Variants in SOX6 observed in about 807,000 individuals in gnomAD.
The protein encoded by SOX6 is SRY-box transcription factor 6.
Under a neutral mutation model 97.8 loss-of-function variants are expected in SOX6, and 11 were observed. The observed-to-expected ratio is 0.11, with a 90% confidence interval of 0.07 to 0.19. The LOEUF (loss-of-function observed/expected upper bound fraction) is 0.19. SOX6 is among the 10% of genes least tolerant of loss of function. The pLI is 1.00. For missense variants in SOX6, 810 were observed against 1,039.5 expected (o/e 0.78, Z 3.04); for synonymous variants, 360 against 371.4 (o/e 0.97, Z 0.35).
chr11:16,146,213 C>G (rs1850290882), intron 6 of SOX6, among the ~76,000 whole-genome samples: 1 of 152,152 alleles, frequency 6.6e-6, no homozygotes, highest in Non-Finnish European at 1.5e-5. Context: ...CTACAACTAT[C>G]TGATCTTTGA....
intron 12 of SOX6, among the ~76,000 whole-genome samples, chr11:16,036,821 C>G (rs568336614): frequency 6.6e-6 from 1 of 152,184 alleles, no homozygotes; most frequent in Admixed American, 6.6e-5. Context: ...TTCAAGTGAT[C>G]GCGTATGCTT....
chr11:16,659,777 A>G (rs1347162129), intron 3 of SOX6, among the ~76,000 whole-genome samples: 1 of 152,036 alleles, frequency 6.6e-6, no homozygotes, highest in African/African-American at 2.4e-5. Flanking sequence ...TTGTATTTGG[A>G]AAGTTATTAT....
chr11:16,693,343 C>CA (rs1242754047), intron 3 of SOX6, among the ~76,000 whole-genome samples: 1 of 152,064 alleles, frequency 6.6e-6, no homozygotes, highest in Non-Finnish European at 1.5e-5. Context: ...ATTTACCTTT[C>CA]ATTTATTTTA....
chr11:16,685,249 A>C (rs1847960635), intron 3 of SOX6, among the ~76,000 whole-genome samples: 1 of 152,238 alleles, frequency 6.6e-6, no homozygotes, highest in South Asian at 2.1e-4. Context: ...GCTTCCCATT[A>C]GTCCCCCAAA....
intron 9 of SOX6, among the ~76,000 whole-genome samples, chr11:16,059,756 G>A (rs56003030): frequency 0.038 from 5,754 of 151,948 alleles, 348 homozygotes; most frequent in African/African-American, 0.13. Context: ...TAGCACTTAG[G>A]CAAAATGAGG....
At chr11:16,265,677 A>C (rs1854063942) in intron 3 of SOX6, among the ~76,000 whole-genome samples, 1 of 151,916 alleles carries the variant, frequency 6.6e-6, no homozygotes, top group Admixed American at 6.6e-5. Context: ...GAGTTATTAA[A>C]ACTATATTTT....
chr11:16,008,940 C>T (rs1423194516), intron 13 of SOX6, among the ~76,000 whole-genome samples: 1 of 152,032 alleles, frequency 6.6e-6, no homozygotes, highest in East Asian at 1.9e-4. Context: ...CCCTCACTAC[C>T]CATCCTGGCC....
intron 4 of SOX6, among the ~76,000 whole-genome samples, chr11:16,586,564 T>G (rs923299723): frequency 2.0e-5 from 3 of 151,918 alleles, no homozygotes; most frequent in African/African-American, 7.3e-5. Flanking sequence ...AAATAAAAAT[T>G]TTTTGATTAG....
chr11:16,305,548 G>T (rs1855403549), intron 3 of SOX6, among the ~76,000 whole-genome samples: 1 of 152,046 alleles, frequency 6.6e-6, no homozygotes, highest in East Asian at 1.9e-4. Flanking sequence ...TTGTACTCTT[G>T]GGTACTAATT....
chr11:16,105,214 C>T (rs533389249), intron 7 of SOX6, among the ~76,000 whole-genome samples: 3 of 151,976 alleles, frequency 2.0e-5, no homozygotes, highest in Non-Finnish European at 4.4e-5. Flanking sequence ...TGGAATTTAT[C>T]CCAAGAATGC....
intron 3 of SOX6, among the ~76,000 whole-genome samples, chr11:16,237,978 A>G (rs1409681406): frequency 1.3e-5 from 2 of 152,010 alleles, no homozygotes; most frequent in African/African-American, 4.8e-5. Flanking sequence ...TATTTTTAAA[A>G]AATGAACGTA....
chr11:16,220,389 A>G (rs75221189), intron 4 of SOX6, among the ~76,000 whole-genome samples: 3,873 of 152,176 alleles, frequency 0.025, 166 homozygotes, highest in African/African-American at 0.088. Context: ...ACCTGTTACA[A>G]GACGGGAATG....
chr11:16,475,115 C>T (rs1170056339), intron 1 of SOX6, among the ~76,000 whole-genome samples: 15 of 152,222 alleles, frequency 9.9e-5, no homozygotes, highest in Admixed American at 9.8e-4. Context: ...AGAGTTAGGG[C>T]CTTGCTCCGG....
At chr11:16,722,855 G>A (rs1253467669) in intron 2 of SOX6, among the ~76,000 whole-genome samples, 2 of 152,168 alleles carry the variant, frequency 1.3e-5, no homozygotes, top group Non-Finnish European at 2.9e-5. Flanking sequence ...CAGAGAAAAG[G>A]GAACACCCAC....
At chr11:15,993,373 T>C (rs561163375) in intron 13 of SOX6, among the ~76,000 whole-genome samples, 20 of 152,292 alleles carry the variant, frequency 1.3e-4, no homozygotes, top group Admixed American at 3.9e-4. Context: ...TTGGAATGGC[T>C]CATAATTCTA....
At chr11:16,191,560 G>A (rs1422727753) in intron 4 of SOX6, among the ~76,000 whole-genome samples, 1 of 152,194 alleles carries the variant, frequency 6.6e-6, no homozygotes, top group Non-Finnish European at 1.5e-5. Flanking sequence ...GCCCAGGCCA[G>A]CAGAGGTCAT....
chr11:15,977,772 T>C (rs4627036), intron 15 of SOX6, among the ~76,000 whole-genome samples: 64,645 of 151,756 alleles, frequency 0.43, 13,956 homozygotes, highest in African/African-American at 0.46. Context: ...TGCACATTGT[T>C]CTAGCCTACT....
intron 4 of SOX6, among the ~76,000 whole-genome samples, chr11:16,482,320 T>C (rs1157409825): frequency 6.6e-6 from 1 of 152,224 alleles, no homozygotes; most frequent in Non-Finnish European, 1.5e-5. Context: ...TAGCCATGCA[T>C]GACTTTGTAA....
intron 1 of SOX6, among the ~76,000 whole-genome samples, chr11:16,398,602 T>C (rs1253688427): frequency 6.6e-6 from 1 of 151,504 alleles, no homozygotes; most frequent in African/African-American, 2.4e-5. Context: ...CTCCACTTGT[T>C]GTCTATGGGT....
Sources: allele counts gnomAD v4.1 joint callset (sites outside exome capture counted in the v4.1 genomes callset), GRCh38; gene constraint gnomAD v4.1.1; transcripts MANE v1.5; gene names NCBI Gene and HGNC (gene_info 2026-07-23, HGNC 2026-07-21).